GREB1L: variants seen among roughly 807,000 people sequenced by gnomAD.
GREB1L encodes the protein GREB1-like protein.
A neutral mutation model predicts 200.8 loss-of-function variants in GREB1L; 17 were observed. The observed-to-expected ratio is 0.08, with a 90% CI of 0.06 to 0.13. The LOEUF is 0.13. Ranked by LOEUF, GREB1L falls within the 10% of genes least tolerant of loss-of-function variation. The pLI is 1.00. For missense variants in GREB1L, 1,657 were observed against 2,367.7 expected, an observed-to-expected ratio of 0.70 and a Z score of 6.23; for synonymous variants, 789 against 893.0, an observed-to-expected ratio of 0.88 and a Z score of 2.08.
intron 1 of GREB1L, among the ~76,000 whole-genome samples, chr18:21,301,424 T>G (rs1307711551): frequency 6.6e-6 from 1 of 152,210 alleles, no homozygotes; most frequent in African/African-American, 2.4e-5. Flanking sequence ...GGAGCCCAGT[T>G]ACCCCTTCCC....
chr18:21,498,797 C>T (rs146611167), intron 21 of GREB1L, among the ~76,000 whole-genome samples: 46 of 152,312 alleles, frequency 3.0e-4, no homozygotes, highest in African/African-American at 1.1e-3. Context: ...TCCCCCAAGG[C>T]AGAGAGACAC....
At chr18:21,348,838 G>A (rs958347879) in intron 1 of GREB1L, among the ~76,000 whole-genome samples, 6 of 152,118 alleles carry the variant, frequency 3.9e-5, no homozygotes, top group East Asian at 3.8e-4. Flanking sequence ...CCAGCTACTC[G>A]GGAAGCTGAG....
chr18:21,429,418 C>T (rs9955487), intron 7 of GREB1L, among the ~76,000 whole-genome samples: 1,670 of 150,886 alleles, frequency 0.011, 37 homozygotes, highest in African/African-American at 0.039. Context: ...TCATAGCTCA[C>T]TGTAGCCTCA....
At chr18:21,510,831 C>A (rs981069771) in intron 27 of GREB1L, among the ~76,000 whole-genome samples, 23 of 152,106 alleles carry the variant, frequency 1.5e-4, no homozygotes, top group African/African-American at 5.6e-4. Flanking sequence ...CTAATTTCTT[C>A]ACATCCTCAC....
chr18:21,285,839 G>A (rs2038346106), intron 1 of GREB1L, among the ~76,000 whole-genome samples: 1 of 152,056 alleles, frequency 6.6e-6, no homozygotes, highest in African/African-American at 2.4e-5. Flanking sequence ...TATGTAAATA[G>A]GTGACTATAC....
intron 15 of GREB1L, among the ~76,000 whole-genome samples, chr18:21,471,980 T>C (rs979882276): frequency 5.3e-5 from 8 of 152,220 alleles, no homozygotes; most frequent in African/African-American, 1.9e-4. Flanking sequence ...ATTGATTGCT[T>C]TTGGAAATAT....
intron 15 of GREB1L, among the ~76,000 whole-genome samples, chr18:21,460,175 G>A (rs28706695): frequency 0.011 from 1,608 of 147,008 alleles, 33 homozygotes; most frequent in African/African-American, 0.041. Flanking sequence ...TTTTGTTTTC[G>A]TTTTTGTTTT....
intron 4 of GREB1L, among the ~76,000 whole-genome samples, chr18:21,391,289 C>T (rs1033002518): frequency 3.9e-5 from 6 of 152,230 alleles, no homozygotes; most frequent in Admixed American, 1.3e-4. Flanking sequence ...AAATACTTAA[C>T]CATTGTGTTA....
chr18:21,392,531 T>A (rs1307326952), intron 4 of GREB1L, among the ~76,000 whole-genome samples: 1 of 152,158 alleles, frequency 6.6e-6, no homozygotes, highest in Non-Finnish European at 1.5e-5. Flanking sequence ...TTTTCTTAAT[T>A]CATGAACTTC....
intron 1 of GREB1L, among the ~76,000 whole-genome samples, chr18:21,307,669 G>A (rs1342341112): frequency 6.6e-6 from 1 of 151,984 alleles, no homozygotes; most frequent in Non-Finnish European, 1.5e-5. Context: ...CCCTACCCGG[G>A]AGGCTGTCTG....
chr18:21,435,926 G>A (rs750977541), intron 7 of GREB1L, among the ~76,000 whole-genome samples: 8 of 152,196 alleles, frequency 5.3e-5, no homozygotes, highest in Admixed American at 3.3e-4. Context: ...TCGTCTCGGT[G>A]ACAAATGATG....
intron 19 of GREB1L, among the ~76,000 whole-genome samples, chr18:21,491,489 C>T (rs1348465021): frequency 6.6e-6 from 1 of 151,908 alleles, no homozygotes; most frequent in Non-Finnish European, 1.5e-5. Flanking sequence ...GCAGACAGAT[C>T]AGGAGGTCAG....
chr18:21,459,905 G>C (rs1388232066), intron 15 of GREB1L, among the ~76,000 whole-genome samples: 1 of 152,082 alleles, frequency 6.6e-6, no homozygotes, highest in Non-Finnish European at 1.5e-5. Context: ...GGATGGCCCA[G>C]CCAATACCCA....
chr18:21,348,545 C>G (rs1437774810), intron 1 of GREB1L, among the ~76,000 whole-genome samples: 4 of 152,000 alleles, frequency 2.6e-5, no homozygotes, highest in African/African-American at 9.7e-5. Flanking sequence ...GAGGCTGAGG[C>G]AGGTGGATCA....
At chr18:21,401,781 T>C (rs934519147) in intron 6 of GREB1L, 1 of 152,568 alleles carries the variant, frequency 6.6e-6, no homozygotes, top group Non-Finnish European at 1.5e-5. Context: ...ACTATTAAGT[T>C]GTCCAAGTGT....
At chr18:21,412,031 G>A (rs1363314591) in intron 7 of GREB1L, among the ~76,000 whole-genome samples, 47 of 123,414 alleles carry the variant, frequency 3.8e-4, no homozygotes, top group African/African-American at 1.3e-3. Context: ...CGGCCTGGGC[G>A]ACAGAGCGAG....
chr18:21,495,274 C>A (rs1298942963), intron 19 of GREB1L, among the ~76,000 whole-genome samples: 1 of 152,156 alleles, frequency 6.6e-6, no homozygotes, highest in Non-Finnish European at 1.5e-5. Flanking sequence ...AACTGAAACT[C>A]TTTTTCAGTC....
intron 15 of GREB1L, among the ~76,000 whole-genome samples, chr18:21,460,758 T>C (rs2035009687): frequency 6.6e-6 from 1 of 151,932 alleles, no homozygotes; most frequent in Non-Finnish European, 1.5e-5. Context: ...CAAATGACCA[T>C]GCTACCCCAC....
intron 27 of GREB1L, among the ~76,000 whole-genome samples, chr18:21,512,313 A>G (rs138161236): frequency 6.6e-6 from 1 of 152,320 alleles, no homozygotes; most frequent in East Asian, 1.9e-4. Flanking sequence ...CCAATCCATA[A>G]ACACAGGATG....
Sources: allele counts gnomAD v4.1 joint callset (sites outside exome capture counted in the v4.1 genomes callset), GRCh38; gene constraint gnomAD v4.1.1; transcripts MANE v1.5; gene names NCBI Gene and HGNC (gene_info 2026-07-23, HGNC 2026-07-21).